DDR2: variants seen among roughly 807,000 people sequenced by gnomAD.
DDR2 encodes discoidin domain-containing receptor 2.
A neutral mutation model predicts 94.9 loss-of-function variants in DDR2; 27 were observed. That is an observed-to-expected ratio of 0.28 (90% confidence interval 0.21 to 0.39). The LOEUF (loss-of-function observed/expected upper bound fraction) is 0.39, where lower values mean the gene tolerates loss of function less well. DDR2 is among the 10% of genes least tolerant of loss of function. The probability of loss-of-function intolerance (pLI) is 1.00; values close to 1 mark genes in which losing one functional copy is unlikely to be tolerated. For synonymous variants in DDR2, 382 were observed against 377.2 expected (o/e 1.01, Z -0.15); for missense variants, 783 against 1,076.0 (o/e 0.73, Z 3.81).
intron 3 of DDR2, among the ~76,000 whole-genome samples, chr1:162,745,773 T>C (rs1662828290): frequency 6.6e-6 from 1 of 152,220 alleles, no homozygotes; most frequent in Non-Finnish European, 1.5e-5. Flanking sequence ...TTTCTTCTTT[T>C]TCAACATTGC....
chr1:162,774,227 C>A (rs1375599070), intron 14 of DDR2, among the ~76,000 whole-genome samples: 1 of 152,164 alleles, frequency 6.6e-6, no homozygotes, highest in South Asian at 2.1e-4. Context: ...TGTCTGACAG[C>A]CTTTCCATTA....
At chr1:162,663,498 C>T (rs1658406221) in intron 2 of DDR2, among the ~76,000 whole-genome samples, 1 of 152,084 alleles carries the variant, frequency 6.6e-6, no homozygotes, top group Non-Finnish European at 1.5e-5. Flanking sequence ...AGAACTGCTG[C>T]AGATATTTGA....
At chr1:162,636,281 CAA>C (rs983897915) in intron 1 of DDR2, among the ~76,000 whole-genome samples, 8 of 152,134 alleles carry the variant, frequency 5.3e-5, no homozygotes, top group Admixed American at 3.9e-4. Context: ...TGAGCCAGCC[CAA>C]GAGTTGCTAA....
intron 3 of DDR2, among the ~76,000 whole-genome samples, chr1:162,727,967 A>ATC (rs1183398704): frequency 7.0e-6 from 1 of 142,776 alleles, no homozygotes; most frequent in Non-Finnish European, 1.5e-5. Flanking sequence ...ATATCTATAT[A>ATC]TATATATATA....
At chr1:162,764,164 T>C (rs1262522908) in intron 9 of DDR2, among the ~76,000 whole-genome samples, 1 of 152,226 alleles carries the variant, frequency 6.6e-6, no homozygotes, top group Non-Finnish European at 1.5e-5. Flanking sequence ...TATGTAGTTA[T>C]GTCACCAATG....
intron 3 of DDR2, among the ~76,000 whole-genome samples, chr1:162,739,338 G>A (rs1571268795): frequency 6.6e-6 from 1 of 151,908 alleles, no homozygotes; most frequent in East Asian, 1.9e-4. Flanking sequence ...TTTTTGAGAT[G>A]GAGTCTCTCT....
chr1:162,732,364 G>C (rs1662096682), intron 3 of DDR2, among the ~76,000 whole-genome samples: 1 of 152,200 alleles, frequency 6.6e-6, no homozygotes, highest in South Asian at 2.1e-4. Context: ...CTCAGTGACA[G>C]TTTCTTTAAG....
chr1:162,699,331 T>G (rs544075328), intron 2 of DDR2, among the ~76,000 whole-genome samples: 1 of 152,046 alleles, frequency 6.6e-6, no homozygotes, highest in African/African-American at 2.4e-5. Flanking sequence ...TTCACTCTGC[T>G]TGCACTGATT....
At chr1:162,702,586 T>C (rs1660479932) in intron 2 of DDR2, among the ~76,000 whole-genome samples, 1 of 152,234 alleles carries the variant, frequency 6.6e-6, no homozygotes, top group Non-Finnish European at 1.5e-5. Flanking sequence ...TTACATGCAG[T>C]TTAAATGTCA....
At chr1:162,731,500 T>C (rs1350134417) in intron 3 of DDR2, among the ~76,000 whole-genome samples, 6 of 152,204 alleles carry the variant, frequency 3.9e-5, no homozygotes. Context: ...TACCTAACTT[T>C]ATTGAATATT....
chr1:162,654,477 A>T (rs1657859470), intron 1 of DDR2, among the ~76,000 whole-genome samples: 1 of 152,140 alleles, frequency 6.6e-6, no homozygotes, highest in African/African-American at 2.4e-5. Flanking sequence ...CAAACAAAAA[A>T]CCAAAAACCC....
chr1:162,719,676 T>G (rs570053670), intron 3 of DDR2, among the ~76,000 whole-genome samples: 1 of 152,208 alleles, frequency 6.6e-6, no homozygotes, highest in Non-Finnish European at 1.5e-5. Context: ...TTATTTTGTA[T>G]TACATGCATT....
At chr1:162,641,161 A>G (rs1657112395) in intron 1 of DDR2, among the ~76,000 whole-genome samples, 1 of 152,232 alleles carries the variant, frequency 6.6e-6, no homozygotes, top group Non-Finnish European at 1.5e-5. Context: ...AAGCAGTGGG[A>G]CTTTGTGCAA....
chr1:162,664,942 G>T (rs1474838546), intron 2 of DDR2, among the ~76,000 whole-genome samples: 1 of 152,134 alleles, frequency 6.6e-6, no homozygotes, highest in East Asian at 1.9e-4. Flanking sequence ...TGTTAGTCTT[G>T]TTCCTGGGGA....
intron 2 of DDR2, among the ~76,000 whole-genome samples, chr1:162,673,887 T>C (rs1227518398): frequency 1.3e-5 from 2 of 152,082 alleles, no homozygotes; most frequent in East Asian, 3.9e-4. Context: ...TGTGGTAGAG[T>C]AGAAAGAGCC....
chr1:162,714,312 T>C (rs1467182333), intron 2 of DDR2, among the ~76,000 whole-genome samples: 2 of 152,190 alleles, frequency 1.3e-5, no homozygotes, highest in Non-Finnish European at 2.9e-5. Flanking sequence ...CATTTCTGGA[T>C]TTTGCTTTCC....
intron 2 of DDR2, among the ~76,000 whole-genome samples, chr1:162,670,668 A>C (rs112285828): frequency 0.091 from 1,235 of 13,510 alleles, 25 homozygotes; most frequent in Middle Eastern, 0.25. Flanking sequence ...AGCTAATATA[A>C]ACCCAATACT....
intron 1 of DDR2, among the ~76,000 whole-genome samples, chr1:162,635,272 A>G (rs1656756615): frequency 6.6e-6 from 1 of 151,496 alleles, no homozygotes; most frequent in African/African-American, 2.4e-5. Flanking sequence ...CTTTCCATGT[A>G]TTTGCATTTT....
intron 3 of DDR2, among the ~76,000 whole-genome samples, chr1:162,743,086 T>A (rs1662689537): frequency 6.6e-6 from 1 of 152,170 alleles, no homozygotes; most frequent in Non-Finnish European, 1.5e-5. Flanking sequence ...CCTGTGGGTA[T>A]ATGGCCATGT....
Sources: allele counts gnomAD v4.1 joint callset (sites outside exome capture counted in the v4.1 genomes callset), GRCh38; gene constraint gnomAD v4.1.1; transcripts MANE v1.5; gene names NCBI Gene and HGNC (gene_info 2026-07-23, HGNC 2026-07-21).